EPHX3: variants seen among roughly 807,000 people sequenced by gnomAD.
The protein encoded by EPHX3 is epoxide hydrolase 3, also known as abhydrolase domain containing 9.
Under a neutral mutation model 40.2 loss-of-function variants are expected in EPHX3, and 39 were observed. The observed-to-expected ratio is 0.97, with a 90% CI of 0.75 to 1.27. EPHX3 has a LOEUF of 1.27. Ranked by LOEUF, EPHX3 falls within the 50% of genes most tolerant of loss-of-function variation. The pLI, the probability that EPHX3 is intolerant of heterozygous loss-of-function variation, is 0.00. For synonymous variants in EPHX3, 213 were observed against 209.7 expected, an observed-to-expected ratio of 1.02 and a Z score of -0.14; for missense variants, 442 against 474.0, an observed-to-expected ratio of 0.93 and a Z score of 0.63.
chr19:15,233,670 G>C (rs962123976), upstream of EPHX3, among the ~76,000 whole-genome samples: 30 of 152,350 alleles, frequency 2.0e-4, no homozygotes, highest in African/African-American at 7.2e-4. Flanking sequence ...GCCTATGAAT[G>C]ACTGGAGTTC....
chr19:15,231,004 G>T lies in EPHX3; in HGVS notation c.574C>A (p.Arg192=). 1 of 1,614,024 alleles carries T rather than the reference G, an allele frequency of 6.2e-7. No homozygotes were observed. Among genetic ancestry groups the T allele is most frequent in the Non-Finnish European group, 8.5e-7 (1 of 1,180,012 alleles). Residue 192 remains arginine (R), a synonymous_variant, in exon 4 of 7, where the codon CGG becomes AGG. Transcript: ENST00000221730. ...GGGGCACCACTGACCACAACCATCC[G>T]CTCGACCAGGGATGGGTAGTAGATG... The part of the protein sequence containing the change: ...FSIYYPSLVE[R]MVVVSGAPMS...
At position 15,227,533 on chromosome 19, in the gene EPHX3, G is replaced by A; in HGVS notation, c.987C>T (p.Ala329=). Residue 329 remains alanine, a synonymous_variant, in exon 7 of 7, where the codon GCC becomes GCT. Coordinates refer to ENST00000221730, the MANE Select transcript of EPHX3 (RefSeq NM_024794.3). ...AATGCCCTATGCCTGGCAGGATGTG[G>A]GCCTCCAAGCGGCCCGGCACAAAGC... ...GSRFVPGRLE[A]HILPGIGHWI... The A allele has an allele frequency of 6.2e-7, 1 of 1,614,106 alleles. No homozygotes were observed.
rs777300826 is a variant in EPHX3, at chr19:15,231,231, G to C, written c.487+8C>G. The stretch of plus-strand genomic sequence containing the variant: ...GAGGCCACGCCTAGGATGGGGGTAT[G>C]TCTGCACCCAGGCCTAGGATGACAT... On this transcript the variant is annotated splice_region_variant and intron_variant, in intron 3 of 6. Coordinates refer to ENST00000221730, the MANE Select transcript of EPHX3 (RefSeq NM_024794.3). 1.8e-5 allele frequency: 29 copies of C among 1,613,804 alleles called. No individual in the cohort carries two copies. The East Asian group carries it at 6.5e-4, about 36-fold the overall frequency.
intron 2 of EPHX3, 37 bp downstream of exon 2, chr19:15,231,739 A>C: frequency 6.2e-7 from 1 of 1,605,698 alleles, no homozygotes; most frequent in Non-Finnish European, 8.5e-7. Context: ...CCTGCCCCCG[A>C]GTCCCGTGGG....
intron 4 of EPHX3, among the ~76,000 whole-genome samples, chr19:15,228,769 T>C (rs1458728020): frequency 6.6e-6 from 1 of 151,838 alleles, no homozygotes; most frequent in Non-Finnish European, 1.5e-5. Flanking sequence ...TCCACCCGCC[T>C]CAGCCTCCCA....
chr19:15,236,602 CTCAGCCAGGGTCCA>C (rs1300828182), upstream of EPHX3: 1 of 155,208 alleles, frequency 6.4e-6, no homozygotes, highest in Non-Finnish European at 1.4e-5. Flanking sequence ...CACCCTCCAC[CTCAGCCAGGGTCCA>C]CAAGGATGGG....
Position 15,227,989 on chromosome 19 carries a change from C to G in EPHX3, c.720+8G>C. ...TTCCCTCCTCCCTTCAACCTGCACC[C>G]TCTGTACCTGAAAGTCAGACATAGA... is the stretch of plus-strand genomic sequence containing the variant. On this transcript the variant is annotated splice_region_variant and intron_variant, in intron 5 of 6. Transcript: ENST00000221730. 6.2e-7 allele frequency: 1 copy of G among 1,614,040 alleles called. No homozygotes were observed. The highest frequency in any genetic ancestry group is 1.1e-5 in the South Asian group (1 of 91,078).
rs1320228599 is a variant in EPHX3, at chr19:15,231,874, C to T, written c.244-13G>A. 5.6e-6 allele frequency: 9 copies of T among 1,613,516 alleles called. No homozygotes were observed. The highest frequency in any genetic ancestry group is 7.6e-6 in the Non-Finnish European group (9 of 1,179,996). ...GCAGGCCCGAGCTCTAGGGGGAGGG[C>T]ACAGCCTGAAGCCTGGGGAACCCTC... is the stretch of plus-strand genomic sequence containing the variant. On this transcript the variant is annotated splice_polypyrimidine_tract_variant and intron_variant, in intron 1 of 6. Coordinates refer to ENST00000221730, the MANE Select transcript of EPHX3 (RefSeq NM_024794.3).
chr19:15,235,740 A>T (rs906811787), upstream of EPHX3: 5 of 152,190 alleles, frequency 3.3e-5, no homozygotes, highest in Non-Finnish European at 5.9e-5. Context: ...TATAGGACTA[A>T]GATTTCTAGT....
At position 15,231,291 on chromosome 19, in the gene EPHX3, G is replaced by GCAGTC; in HGVS notation, c.430_434dup (p.Cys145TrpfsTer18). 1 of 1,614,014 alleles carries GCAGTC rather than the reference G, an allele frequency of 6.2e-7. No homozygotes were observed. Among genetic ancestry groups the GCAGTC allele is most frequent in the South Asian group, 1.1e-5 (1 of 91,086 alleles). On this transcript the variant is annotated frameshift_variant, in exon 3 of 7. Coordinates refer to ENST00000221730, the MANE Select transcript of EPHX3 (RefSeq NM_024794.3). LOFTEE classifies it high-confidence loss of function. ...CCACCAGCAGCAGGTCGATTGTGTA[G>GCAGTC]CAGTCCACATCCCGAGGTGCATCCG...
At chr19:15,231,726 C>T in intron 2 of EPHX3, 50 bp downstream of exon 2, 1 of 1,592,934 alleles carries the variant, frequency 6.3e-7, no homozygotes, top group Non-Finnish European at 8.6e-7. Flanking sequence ...AGCCCAAGCT[C>T]CACCTGCCCC....
chr19:15,228,503 A>ATTTTTTTTTTTTT (rs780716729), intron 4 of EPHX3, among the ~76,000 whole-genome samples: 2 of 62,700 alleles, frequency 3.2e-5, no homozygotes, highest in Non-Finnish European at 2.7e-5. Flanking sequence ...TGTATCTATA[A>ATTTTTTTTTTTTT]TTTTTTTTTT....
chr19:15,236,042 G>A (rs1414691546), upstream of EPHX3: 1 of 152,260 alleles, frequency 6.6e-6, no homozygotes, highest in Non-Finnish European at 1.5e-5. Flanking sequence ...GAAAGTGCCT[G>A]AGTGGGCATG....
intron 4 of EPHX3, among the ~76,000 whole-genome samples, chr19:15,229,107 C>T (rs531220650): frequency 3.9e-5 from 6 of 152,236 alleles, no homozygotes; most frequent in South Asian, 2.1e-4. Flanking sequence ...AGGCTGGGTG[C>T]GGTGGCTCAC....
intron 4 of EPHX3, 121 bp from the exon 5 acceptor site, chr19:15,228,221 C>T: frequency 1.3e-6 from 1 of 778,366 alleles, no homozygotes; most frequent in Non-Finnish European, 2.1e-6. Context: ...TGCTGCCTGC[C>T]TGGGTCTGTG....
At position 15,229,241 on chromosome 19, in the gene EPHX3, G is replaced by A. The variant is rs185055275; in HGVS notation, c.617-1141C>T. ...CTAAAAATACAAAAATTAGCTGGGC[G>A]TGTTGGGGCATATCTGCAGTCCCCG... On this transcript the variant is annotated intron_variant, in intron 4 of 6. Coordinates refer to ENST00000221730, the MANE Select transcript of EPHX3 (RefSeq NM_024794.3). Among the ~76,000 whole-genome samples, 74 of 152,214 alleles carry A rather than the reference G, an allele frequency of 4.9e-4. 1 individual carries two copies. The highest frequency in any genetic ancestry group is 1.6e-3 in the African/African-American group (65 of 41,542).
At position 15,232,358 on chromosome 19, in the gene EPHX3, G is replaced by A; in HGVS notation, c.-147C>T. 1 of 1,374,384 alleles carries A rather than the reference G, an allele frequency of 7.3e-7. No homozygotes were observed. Among genetic ancestry groups the A allele is most frequent in the Admixed American group, 3.8e-5 (1 of 26,236 alleles). The allele number at this position is 1,374,384 out of a possible 1,614,324, so 85.1% of individuals were successfully genotyped here. A position where few individuals can be genotyped will look rare whatever the true frequency, so the allele number is the denominator to read the frequency against. ...TTTGTGGGACGCGCTGAAGGAAGAGGCGGGCGGCTCCGACAGAAAACAGCC... is the reference window on the plus strand; with the variant it reads ...TTTGTGGGACGCGCTGAAGGAAGAGACGGGCGGCTCCGACAGAAAACAGCC... On this transcript the variant is annotated 5_prime_UTR_variant, in exon 1 of 7. Transcript: ENST00000221730.
intron 1 of EPHX3, 23 bp downstream of exon 1, chr19:15,231,946 C>T: frequency 6.2e-7 from 1 of 1,612,558 alleles, no homozygotes; most frequent in South Asian, 1.1e-5. Flanking sequence ...CCCGCAGCCC[C>T]GATAGCGCCC....
intron 1 of EPHX3, 25 bp downstream of exon 1, chr19:15,231,944 C>T (rs2047157607): frequency 6.2e-7 from 1 of 1,612,614 alleles, no homozygotes; most frequent in African/African-American, 1.3e-5. Flanking sequence ...ACCCCGCAGC[C>T]CCGATAGCGC....
Sources: gnomAD v4.1 joint callset for allele counts (sites outside exome capture counted in the v4.1 genomes callset) on GRCh38, gnomAD v4.1.1 for gene constraint, MANE v1.5 for transcripts, NCBI Gene and HGNC (gene_info 2026-07-23, HGNC 2026-07-21) for gene names.